UMAD1: variants seen among roughly 807,000 people sequenced by gnomAD.
The protein encoded by UMAD1 is UBAP1-MVB12-associated (UMA)-domain containing protein 1.
Under a neutral mutation model 6.1 loss-of-function variants are expected in UMAD1, and 8 were observed. The observed-to-expected ratio is 1.30, with a 90% CI of 0.76 to 2.35. The LOEUF (loss-of-function observed/expected upper bound fraction) is 2.35, where lower values mean the gene tolerates loss of function less well. Ranked by LOEUF, UMAD1 falls within the 30% of genes most tolerant of loss-of-function variation. UMAD1 has a pLI of 0.00. For synonymous variants in UMAD1, 56 were observed against 31.4 expected (o/e 1.78, Z -2.61); for missense variants, 130 against 78.4 (o/e 1.66, Z -2.49).
At chr7:7,665,377 G>A (rs975400711) in intron 1 of UMAD1, among the ~76,000 whole-genome samples, 6 of 152,114 alleles carry the variant, frequency 3.9e-5, no homozygotes, top group Non-Finnish European at 8.8e-5. Context: ...AGTTTTGTGT[G>A]ATGCATGCAG....
At chr7:7,717,048 C>G (rs1456013594) in intron 2 of UMAD1, among the ~76,000 whole-genome samples, 1 of 149,344 alleles carries the variant, frequency 6.7e-6, no homozygotes, top group African/African-American at 2.5e-5. Flanking sequence ...CTTTTTCTTT[C>G]TTTCTTTTTT....
intron 2 of UMAD1, among the ~76,000 whole-genome samples, chr7:7,748,595 C>A (rs939438718): frequency 1.3e-5 from 2 of 151,950 alleles, no homozygotes; most frequent in South Asian, 2.1e-4. Context: ...TCAACATTTT[C>A]CTGTGGTGGC....
chr7:7,723,584 C>A (rs535990657), intron 2 of UMAD1, among the ~76,000 whole-genome samples: 1 of 152,300 alleles, frequency 6.6e-6, no homozygotes, highest in East Asian at 1.9e-4. Flanking sequence ...ATACTTTTGA[C>A]CAGTGCTTTG....
chr7:7,653,720 T>C lies in UMAD1; in HGVS notation c.-64+12899T>C, dbSNP rs1583696684. The stretch of plus-strand genomic sequence containing the variant: ...TTACCTAGAGAGTGCTGCTGAGTGG[T>C]TAATGTTGAAAAAGAAGTCCCTTTC... On this transcript the variant is annotated intron_variant, in intron 1 of 3. Coordinates refer to ENST00000682710, the MANE Select transcript of UMAD1 (RefSeq NM_001302348.2). 2.0e-5 allele frequency among the ~76,000 whole-genome samples: 3 copies of C among 152,258 alleles called. No individual in the cohort carries two copies. In the East Asian group the frequency reaches 5.8e-4, roughly 29 times the overall value.
At chr7:7,876,106 A>G (rs1784414230) in intron 3 of UMAD1, among the ~76,000 whole-genome samples, 1 of 152,174 alleles carries the variant, frequency 6.6e-6, no homozygotes, top group Non-Finnish European at 1.5e-5. Flanking sequence ...AAGTGAGAAA[A>G]GGCCTCATTG....
chr7:7,849,396 G>C (rs1296546803), intron 3 of UMAD1, among the ~76,000 whole-genome samples: 1 of 152,148 alleles, frequency 6.6e-6, no homozygotes, highest in Non-Finnish European at 1.5e-5. Context: ...GTGTCCTGCA[G>C]TTCAACACAG....
chr7:7,646,446 T>C (rs1339929788), intron 1 of UMAD1, among the ~76,000 whole-genome samples: 1 of 151,140 alleles, frequency 6.6e-6, no homozygotes, highest in Non-Finnish European at 1.5e-5. Context: ...TCACGAGATC[T>C]GATGGCTTTA....
At chr7:7,863,997 C>G (rs1400790060) in intron 3 of UMAD1, among the ~76,000 whole-genome samples, 1 of 152,226 alleles carries the variant, frequency 6.6e-6, no homozygotes, top group Non-Finnish European at 1.5e-5. Context: ...TGGTCTTTGT[C>G]TCTGGTTCCT....
intron 2 of UMAD1, among the ~76,000 whole-genome samples, chr7:7,769,639 A>C (rs1189938009): frequency 2.0e-5 from 3 of 152,166 alleles, no homozygotes; most frequent in African/African-American, 7.2e-5. Flanking sequence ...TTTGGAGTGA[A>C]GGAAGACAGA....
At chr7:7,719,642 G>T (rs77564911) in intron 2 of UMAD1, among the ~76,000 whole-genome samples, 4 of 122,136 alleles carry the variant, frequency 3.3e-5, no homozygotes, top group East Asian at 2.3e-4. Flanking sequence ...GAAAGTAGTA[G>T]TTTTTTTTTT....
intron 2 of UMAD1, among the ~76,000 whole-genome samples, chr7:7,797,633 T>C (rs1188096322): frequency 6.6e-6 from 1 of 152,166 alleles, no homozygotes; most frequent in Non-Finnish European, 1.5e-5. Flanking sequence ...GGGATCATGA[T>C]GATACTCTAA....
intron 3 of UMAD1, among the ~76,000 whole-genome samples, chr7:7,842,630 A>C (rs1783704850): frequency 1.3e-5 from 2 of 152,094 alleles, no homozygotes; most frequent in Admixed American, 1.3e-4. Context: ...AAAAAAAAAA[A>C]ACTAATATGG....
chr7:7,756,985 C>T (rs780453233), intron 2 of UMAD1, among the ~76,000 whole-genome samples: 20 of 152,186 alleles, frequency 1.3e-4, no homozygotes, highest in Non-Finnish European at 1.9e-4. Context: ...AATAGCTACA[C>T]ATTGATCTGT....
At chr7:7,851,659 A>G (rs1783920261) in intron 3 of UMAD1, among the ~76,000 whole-genome samples, 2 of 152,146 alleles carry the variant, frequency 1.3e-5, no homozygotes, top group Admixed American at 1.3e-4. Context: ...GACTAGTAAT[A>G]TGCTTATTGG....
At chr7:7,847,450 C>T (rs1002548082) in intron 3 of UMAD1, among the ~76,000 whole-genome samples, 3 of 151,778 alleles carry the variant, frequency 2.0e-5, no homozygotes, top group African/African-American at 7.3e-5. Flanking sequence ...GCTTCAGGTC[C>T]CATTCTTTAT....
At chr7:7,706,221 G>T (rs1780595281) in intron 2 of UMAD1, among the ~76,000 whole-genome samples, 1 of 152,076 alleles carries the variant, frequency 6.6e-6, no homozygotes, top group Non-Finnish European at 1.5e-5. Context: ...AGAACAAAAC[G>T]GATAATCACC....
rs1003933785 is a variant in UMAD1, at chr7:7,778,051, T to C, written c.83-23619T>C. Among the ~76,000 whole-genome samples, 12 of 152,224 alleles carry C rather than the reference T, an allele frequency of 7.9e-5. 1 individual carries two copies. Among genetic ancestry groups the C allele is most frequent in the South Asian group, 4.1e-4 (2 of 4,832 alleles). ...AAAATATCTTCTTATTCGCTATCAG[T>C]GTTACTCTCTATTGATCATCACAAT... On this transcript the variant is annotated intron_variant, in intron 2 of 3. Transcript: ENST00000682710.
At chr7:7,750,854 A>G (rs990074090) in intron 2 of UMAD1, among the ~76,000 whole-genome samples, 5 of 152,202 alleles carry the variant, frequency 3.3e-5, no homozygotes, top group East Asian at 1.9e-4. Context: ...TGAAAGCAAT[A>G]ATTGTTCTAA....
chr7:7,819,495 A>G (rs1207418133), intron 3 of UMAD1, among the ~76,000 whole-genome samples: 1 of 152,198 alleles, frequency 6.6e-6, no homozygotes, highest in Non-Finnish European at 1.5e-5. Context: ...GCCTGCAGAA[A>G]TCACACATAC....
Sources: allele counts gnomAD v4.1 joint callset (sites outside exome capture counted in the v4.1 genomes callset), GRCh38; gene constraint gnomAD v4.1.1; transcripts MANE v1.5; gene names NCBI Gene and HGNC (gene_info 2026-07-23, HGNC 2026-07-21).